Variants in XKR3 observed in about 807,000 individuals in gnomAD.
XKR3 encodes XK related 3, also known as XK-related protein 3.
A neutral mutation model predicts 40.3 loss-of-function variants in XKR3; 27 were observed. That is an observed-to-expected ratio of 0.67 (90% confidence interval 0.49 to 0.92). XKR3 has a LOEUF of 0.92. Among genes scored for constraint, XKR3 ranks in the 40% least tolerant of loss-of-function variants. The pLI, the probability that XKR3 is intolerant of heterozygous loss-of-function variation, is 0.00. For synonymous variants in XKR3, 193 were observed against 195.4 expected (o/e 0.99, Z 0.10); for missense variants, 472 against 537.6 (o/e 0.88, Z 1.21).
chr22:16,797,647 G>A (rs1276618365), intron 3 of XKR3, among the ~76,000 whole-genome samples: 1 of 151,696 alleles, frequency 6.6e-6, no homozygotes, highest in Non-Finnish European at 1.5e-5. Flanking sequence ...AAAAAAATTA[G>A]CTGGGCATGG....
chr22:16,811,341 G>C (rs2060211873), intron 1 of XKR3, among the ~76,000 whole-genome samples: 1 of 152,024 alleles, frequency 6.6e-6, no homozygotes, highest in Admixed American at 6.6e-5. Flanking sequence ...GGCCAGGCTG[G>C]TCTCGAACTC....
chr22:16,792,825 C>T (rs1838558070), intron 3 of XKR3, among the ~76,000 whole-genome samples: 1 of 152,036 alleles, frequency 6.6e-6, no homozygotes. Flanking sequence ...AAAATGATTA[C>T]CTTCCTTTTA....
intron 1 of XKR3, among the ~76,000 whole-genome samples, chr22:16,813,318 A>C (rs1003373103): frequency 1.3e-5 from 2 of 152,000 alleles, no homozygotes; most frequent in African/African-American, 2.4e-5. Context: ...AACAAACAAA[A>C]AAAAACAAGA....
Position 16,807,928 on chromosome 22 carries a change from G to A in XKR3, c.146C>T (p.Ala49Val). ...AATTTCAAACATGTATAAACCAAAG[G>A]CAACCTCACCACAGTAGAGAACAGT... ...FSTVLYCGEV[A>V]FGLYMFEIYR... The change falls in exon 2 of 4, where the codon GCC becomes GTC. Residue 49 changes from alanine to valine, a missense_variant. Ala to Val is a moderately conservative substitution (Grantham distance 64). Coordinates refer to ENST00000684488, the MANE Select transcript of XKR3 (RefSeq NM_001386955.1). The A allele has an allele frequency of 3.7e-6, 6 of 1,613,906 alleles. No homozygotes were observed. Among genetic ancestry groups the A allele is most frequent in the Non-Finnish European group, 5.1e-6 (6 of 1,179,912 alleles).
chr22:16,823,476 G>A (rs978445884), intron 1 of XKR3, among the ~76,000 whole-genome samples: 22 of 152,300 alleles, frequency 1.4e-4, no homozygotes, highest in Admixed American at 8.5e-4. Flanking sequence ...CAATTCTTGA[G>A]TATCCATCTG....
At chr22:16,784,760 T>C (rs1434281802) in intron 3 of XKR3, among the ~76,000 whole-genome samples, 2 of 152,100 alleles carry the variant, frequency 1.3e-5, no homozygotes, top group African/African-American at 4.8e-5. Flanking sequence ...TAAAGCAGTC[T>C]CAATTAAAAA....
chr22:16,809,489 G>C (rs1338068303), intron 1 of XKR3, among the ~76,000 whole-genome samples: 1 of 152,032 alleles, frequency 6.6e-6, no homozygotes, highest in Non-Finnish European at 1.5e-5. Flanking sequence ...ATTTCTATTA[G>C]TTATTTCCTT....
At chr22:16,793,318 A>T (rs1325656806) in intron 3 of XKR3, among the ~76,000 whole-genome samples, 1 of 152,196 alleles carries the variant, frequency 6.6e-6, no homozygotes, top group African/African-American at 2.4e-5. Context: ...GGCCCTCGTG[A>T]CTATTTTTTG....
chr22:16,810,554 C>G (rs2146171456), intron 1 of XKR3, among the ~76,000 whole-genome samples: 1 of 152,258 alleles, frequency 6.6e-6, no homozygotes, highest in South Asian at 2.1e-4. Context: ...TCGATTACCT[C>G]TTATATTATG....
intron 3 of XKR3, among the ~76,000 whole-genome samples, chr22:16,794,494 T>C (rs2060132667): frequency 6.6e-6 from 1 of 152,032 alleles, no homozygotes; most frequent in African/African-American, 2.4e-5. Flanking sequence ...AGAAATACAA[T>C]TATTCTCAGA....
intron 3 of XKR3, among the ~76,000 whole-genome samples, chr22:16,785,458 A>G (rs2060086351): frequency 6.6e-6 from 1 of 152,362 alleles, no homozygotes; most frequent in African/African-American, 2.4e-5. Flanking sequence ...AAATAAGCAC[A>G]TGGAAGAAAA....
chr22:16,813,187 G>A (rs2060219735), intron 1 of XKR3, among the ~76,000 whole-genome samples: 1 of 152,054 alleles, frequency 6.6e-6, no homozygotes, highest in African/African-American at 2.4e-5. Context: ...GGGAGGCTGA[G>A]GCAGGAGTAT....
At chr22:16,815,223 G>A (rs1277141496) in intron 1 of XKR3, among the ~76,000 whole-genome samples, 2 of 151,890 alleles carry the variant, frequency 1.3e-5, no homozygotes, top group South Asian at 2.1e-4. Context: ...CATATGGTTT[G>A]GGTTCCTTAA....
At chr22:16,822,432 G>A (rs1051969392) in intron 1 of XKR3, among the ~76,000 whole-genome samples, 4 of 151,860 alleles carry the variant, frequency 2.6e-5, no homozygotes, top group Non-Finnish European at 4.4e-5. Flanking sequence ...AGAGAAAATG[G>A]AACAAGTAAC....
intron 1 of XKR3, among the ~76,000 whole-genome samples, chr22:16,823,699 A>C (rs1394794677): frequency 6.6e-6 from 1 of 152,248 alleles, no homozygotes; most frequent in Non-Finnish European, 1.5e-5. Context: ...TACCAAAAGA[A>C]TAGAGTTTAC....
Position 16,786,251 on chromosome 22 carries a change from C to T in XKR3, c.590-1842G>A, listed in dbSNP as rs371896116. ...ATGGTGAAAACCTGTATCTACAAAACGCGTGCACACACACACACACACAAA... is the reference window on the plus strand; with the variant it reads ...ATGGTGAAAACCTGTATCTACAAAATGCGTGCACACACACACACACACAAA... On this transcript the variant is annotated intron_variant, in intron 3 of 3. Transcript: ENST00000684488. 6.8e-3 allele frequency among the ~76,000 whole-genome samples: 980 copies of T among 143,536 alleles called. 9 individuals are homozygous for T. The highest frequency in any genetic ancestry group is 0.016 in the South Asian group (66 of 4,238). 94.2% of individuals were successfully genotyped at this position (143,536 alleles called of 152,430 possible).
intron 3 of XKR3, among the ~76,000 whole-genome samples, chr22:16,789,278 A>G (rs2060103988): frequency 1.3e-5 from 2 of 152,160 alleles, no homozygotes; most frequent in Non-Finnish European, 2.9e-5. Flanking sequence ...CACCACTAAA[A>G]AGCAGTTAGA....
At position 16,818,881 on chromosome 22, in the gene XKR3, C is replaced by T. The variant is rs183261853; in HGVS notation, c.-11+6410G>A. On this transcript the variant is annotated intron_variant, in intron 1 of 3. Coordinates refer to ENST00000684488, the MANE Select transcript of XKR3 (RefSeq NM_001386955.1). ...CTTGACTGCTCTTTCCACTACCCTACCCTATTCTGTCAGTGGGCTCCACTG... is the reference window on the plus strand; with the variant it reads ...CTTGACTGCTCTTTCCACTACCCTATCCTATTCTGTCAGTGGGCTCCACTG... Among the ~76,000 whole-genome samples, 7 of 152,192 alleles carry T rather than the reference C, an allele frequency of 4.6e-5. No homozygotes were observed. The East Asian group carries it at 1.4e-3, about 29-fold the overall frequency.
At chr22:16,805,014 T>C (rs1349611361) in intron 2 of XKR3, among the ~76,000 whole-genome samples, 1 of 152,132 alleles carries the variant, frequency 6.6e-6, no homozygotes, top group Admixed American at 6.5e-5. Context: ...TTCTCCCTTA[T>C]GTCAAAAATA....
Sources: gnomAD v4.1 joint callset for allele counts (sites outside exome capture counted in the v4.1 genomes callset) on GRCh38, gnomAD v4.1.1 for gene constraint, MANE v1.5 for transcripts, NCBI Gene and HGNC (gene_info 2026-07-23, HGNC 2026-07-21) for gene names.